The following SHROOM3 variants were observed in gnomAD, a reference collection of about 807,000 sequenced individuals.
SHROOM3 encodes protein Shroom3.
A neutral mutation model predicts 138.6 loss-of-function variants in SHROOM3; 47 were observed. The observed-to-expected ratio is 0.34, with a 90% CI of 0.27 to 0.43. SHROOM3 has a LOEUF of 0.43. Ranked by LOEUF, SHROOM3 falls within the 20% of genes least tolerant of loss-of-function variation. SHROOM3 has a pLI of 1.00. For synonymous variants in SHROOM3, 1,062 were observed against 1,063.3 expected, an observed-to-expected ratio of 1.00 and a Z score of 0.02; for missense variants, 2,491 against 2,596.5, an observed-to-expected ratio of 0.96 and a Z score of 0.88.
chr4:76,503,570 A>G (rs1732144828), intron 1 of SHROOM3, among the ~76,000 whole-genome samples: 1 of 152,126 alleles, frequency 6.6e-6, no homozygotes, highest in Non-Finnish European at 1.5e-5. Flanking sequence ...CTGGGATTAC[A>G]GACGTGGACC....
chr4:76,696,303 C>G (rs1393086129), intron 2 of SHROOM3, among the ~76,000 whole-genome samples: 2 of 152,156 alleles, frequency 1.3e-5, no homozygotes, highest in South Asian at 2.1e-4. Context: ...TCGCCCCCAG[C>G]CTCTTTCCCT....
chr4:76,739,541 C>G lies in SHROOM3; in HGVS notation c.1368C>G (p.Ala456=), dbSNP rs373907641. 1.3e-5 allele frequency: 21 copies of G among 1,614,052 alleles called. No homozygotes were observed. The African/African-American group carries it at 2.8e-4, about 22-fold the overall frequency. The change falls in exon 5 of 11, where the codon GCC becomes GCG. Residue 456 remains alanine (A), a synonymous_variant. Coordinates refer to ENST00000296043, the MANE Select transcript of SHROOM3 (RefSeq NM_020859.4). ...VKPKHNYTQK[A]QPGQPLLPTS... is the part of the protein sequence containing the mutation. ...CCAAGCATAACTATACCCAGAAGGC[C>G]CAACCTGGCCAACCTCTGCTGCCGA...
At chr4:76,639,115 C>T (rs1193323124) in intron 2 of SHROOM3, among the ~76,000 whole-genome samples, 4 of 152,136 alleles carry the variant, frequency 2.6e-5, no homozygotes, top group African/African-American at 9.7e-5. Flanking sequence ...AAGTCAACTG[C>T]TCAATCTTTG....
intron 2 of SHROOM3, among the ~76,000 whole-genome samples, chr4:76,563,384 G>C (rs1733637677): frequency 6.6e-6 from 1 of 152,170 alleles, no homozygotes; most frequent in African/African-American, 2.4e-5. Context: ...TTCAGAATGG[G>C]ATTTTGTAAA....
At chr4:76,650,388 A>G (rs182249455) in intron 2 of SHROOM3, among the ~76,000 whole-genome samples, 57 of 152,348 alleles carry the variant, frequency 3.7e-4, no homozygotes, top group Admixed American at 3.0e-3. Flanking sequence ...AGCTTTCTCA[A>G]CAAACTAAAA....
intron 1 of SHROOM3, among the ~76,000 whole-genome samples, chr4:76,479,024 A>G (rs1035786958): frequency 1.3e-5 from 2 of 152,192 alleles, no homozygotes; most frequent in Non-Finnish European, 1.5e-5. Flanking sequence ...AAGATGAGAA[A>G]AAAACAGCTC....
At chr4:76,520,314 T>C (rs765755791) in intron 1 of SHROOM3, among the ~76,000 whole-genome samples, 1 of 152,216 alleles carries the variant, frequency 6.6e-6, no homozygotes, top group African/African-American at 2.4e-5. Flanking sequence ...CTCTCTGTTA[T>C]CTTCCCTTGC....
chr4:76,501,551 A>G (rs555500372), intron 1 of SHROOM3, among the ~76,000 whole-genome samples: 5 of 152,278 alleles, frequency 3.3e-5, no homozygotes, highest in African/African-American at 1.2e-4. Flanking sequence ...TTAATAAGGT[A>G]GCTCTTGGTG....
At position 76,690,975 on chromosome 4, in the gene SHROOM3, G is replaced by C. The variant is rs73826422; in HGVS notation, c.324-19181G>C. Among the ~76,000 whole-genome samples the C allele has an allele frequency of 8.6e-3, 1,308 of 152,238 alleles. 20 individuals carry two copies. The highest frequency in any genetic ancestry group is 0.03 in the African/African-American group (1,249 of 41,542). The stretch of plus-strand genomic sequence containing the variant: ...ACTTATTCACATTGCCCATGAGTTG[G>C]AACAGAATTTATTGTGGCAATTTCT... On this transcript the variant is annotated intron_variant, in intron 2 of 10. Coordinates refer to ENST00000296043, the MANE Select transcript of SHROOM3 (RefSeq NM_020859.4).
chr4:76,578,510 G>T (rs1239006107), intron 2 of SHROOM3, among the ~76,000 whole-genome samples: 1 of 152,120 alleles, frequency 6.6e-6, no homozygotes, highest in Non-Finnish European at 1.5e-5. Context: ...CATTCTTTTT[G>T]GTTGTACCTT....
chr4:76,527,962 G>A (rs946214389), intron 1 of SHROOM3, among the ~76,000 whole-genome samples: 7 of 152,182 alleles, frequency 4.6e-5, no homozygotes, highest in African/African-American at 1.7e-4. Flanking sequence ...ACAAGGGAGG[G>A]TGAATGGATA....
intron 1 of SHROOM3, among the ~76,000 whole-genome samples, chr4:76,455,399 A>G (rs912577117): frequency 1.3e-5 from 2 of 152,116 alleles, no homozygotes; most frequent in African/African-American, 2.4e-5. Flanking sequence ...TTGGGGGAAA[A>G]GAATCTTAAT....
In SHROOM3 at chr4:76,483,671, A is replaced by G. The variant is rs187183878; in HGVS notation, c.168+47451A>G. ...GTATATACCCAAAGGATTATAAATC[A>G]TTCTATAAAGACACACGCACACGTA... On this transcript the variant is annotated intron_variant, in intron 1 of 10. Transcript: ENST00000296043. 1.4e-4 allele frequency among the ~76,000 whole-genome samples: 22 copies of G among 152,254 alleles called. No homozygotes were observed. The East Asian group carries it at 4.2e-3, about 29-fold the overall frequency.
Position 76,693,366 on chromosome 4 carries a change from G to GTTTTTTTTTTTTTT in SHROOM3, c.324-16787_324-16786insTTTTTTTTTTTTTT, listed in dbSNP as rs1429298697. On this transcript the variant is annotated intron_variant, in intron 2 of 10. Transcript: ENST00000296043. ...ACTATGCATACCTTCATTTTGATAAGTTTGTTTTTTTTTTTTTTTTTTTTT... is the reference window on the plus strand; with the variant it reads ...ACTATGCATACCTTCATTTTGATAAGTTTTTTTTTTTTTTTTTGTTTTTTTTTTTTTTTTTTTTT... Among the ~76,000 whole-genome samples the GTTTTTTTTTTTTTT allele has an allele frequency of 6.5e-4, 39 of 60,094 alleles. 3 individuals carry two copies. Among genetic ancestry groups the GTTTTTTTTTTTTTT allele is most frequent in the African/African-American group, 2.7e-3 (38 of 14,080 alleles). 39.4% of individuals were successfully genotyped at this position (60,094 alleles called of 152,430 possible). A position where few individuals can be genotyped will look rare whatever the true frequency, so the allele number is the denominator to read the frequency against.
intron 1 of SHROOM3, among the ~76,000 whole-genome samples, chr4:76,458,000 AGC>A (rs1731067876): frequency 6.6e-6 from 1 of 151,104 alleles, no homozygotes; most frequent in Non-Finnish European, 1.5e-5. Flanking sequence ...TTCATGTGTT[AGC>A]CAGGATGGTC....
At chr4:76,586,857 A>T (rs1462768043) in intron 2 of SHROOM3, 2 of 152,240 alleles carry the variant, frequency 1.3e-5, no homozygotes, top group Non-Finnish European at 2.9e-5. Flanking sequence ...ATGCAACCTC[A>T]GGATTTACAG....
chr4:76,730,971 CT>C (rs1720857366), intron 4 of SHROOM3, 36 bp downstream of exon 4: 2 of 1,613,190 alleles, frequency 1.2e-6, no homozygotes, highest in Non-Finnish European at 1.7e-6. Flanking sequence ...GGGTTTCTTT[CT>C]TTCTAATGTC....
intron 5 of SHROOM3, among the ~76,000 whole-genome samples, chr4:76,745,447 T>C (rs1721403974): frequency 6.6e-6 from 1 of 152,250 alleles, no homozygotes; most frequent in South Asian, 2.1e-4. Flanking sequence ...CACTATGAGA[T>C]GGTGTGACAA....
chr4:76,589,301 C>G (rs969591821), intron 2 of SHROOM3, among the ~76,000 whole-genome samples: 1 of 152,128 alleles, frequency 6.6e-6, no homozygotes, highest in Non-Finnish European at 1.5e-5. Context: ...AACCCTGTCT[C>G]TACTAAAAAT....
Sources: allele counts gnomAD v4.1 joint callset (sites outside exome capture counted in the v4.1 genomes callset), GRCh38; gene constraint gnomAD v4.1.1; transcripts MANE v1.5; gene names NCBI Gene and HGNC (gene_info 2026-07-23, HGNC 2026-07-21).